Variants in RBM6 observed in about 807,000 individuals in gnomAD.
RBM6 encodes RNA-binding protein 6.
Under a neutral mutation model 140.4 loss-of-function variants are expected in RBM6, and 23 were observed. That is an observed-to-expected ratio of 0.16 (90% CI 0.12 to 0.23). RBM6 has a LOEUF of 0.23. RBM6 is among the 10% of genes least tolerant of loss of function. The pLI is 1.00. For missense variants in RBM6, 1,139 were observed against 1,386.7 expected (o/e 0.82, Z 2.84); for synonymous variants, 439 against 475.6 (o/e 0.92, Z 1.00).
At chr3:50,071,894 G>A (rs191814483) in intron 19 of RBM6, among the ~76,000 whole-genome samples, 5 of 151,000 alleles carry the variant, frequency 3.3e-5, no homozygotes, top group African/African-American at 1.2e-4. Context: ...GACCAGCCTG[G>A]CCAAGATGGT....
At chr3:49,940,820 G>A (rs996935838) in intron 1 of RBM6, 2 of 151,788 alleles carry the variant, frequency 1.3e-5, no homozygotes, top group Non-Finnish European at 2.9e-5. Context: ...TTCCATTAGC[G>A]GTGTAAATAG....
chr3:49,949,447 C>T (rs1444292419), intron 1 of RBM6, among the ~76,000 whole-genome samples: 2 of 152,024 alleles, frequency 1.3e-5, no homozygotes, highest in Non-Finnish European at 2.9e-5. Flanking sequence ...GGCTGGAGTG[C>T]AGTGGTGTGA....
chr3:50,052,309 A>G (rs1249465507), intron 7 of RBM6, among the ~76,000 whole-genome samples: 1 of 152,098 alleles, frequency 6.6e-6, no homozygotes, highest in Non-Finnish European at 1.5e-5. Context: ...AAATGATCCA[A>G]CTTCCTCGGC....
chr3:49,997,860 A>G (rs2086156656), intron 5 of RBM6, among the ~76,000 whole-genome samples: 1 of 152,252 alleles, frequency 6.6e-6, no homozygotes, highest in Admixed American at 6.5e-5. Context: ...TCCATTGTTA[A>G]TAGGATATGC....
chr3:50,058,387 T>G lies in RBM6; in HGVS notation c.1970-15T>G. The G allele has an allele frequency of 6.2e-7, 1 of 1,600,482 alleles. No individual in the cohort carries two copies. Among genetic ancestry groups the G allele is most frequent in the Non-Finnish European group, 8.6e-7 (1 of 1,167,678 alleles). ...CTCCCTTGTGTTGCCCTTCTCCCAT[T>G]TATGGTTGATTCAGCTATCATGCTA... On this transcript the variant is annotated splice_polypyrimidine_tract_variant and intron_variant, in intron 9 of 20. Coordinates refer to ENST00000266022, the MANE Select transcript of RBM6 (RefSeq NM_005777.3).
chr3:49,961,909 A>G lies in RBM6; in HGVS notation c.-66-667A>G, dbSNP rs958855480. 2.0e-5 allele frequency among the ~76,000 whole-genome samples: 3 copies of G among 151,864 alleles called. No individual in the cohort carries two copies. In the East Asian group the frequency reaches 5.8e-4, roughly 29 times the overall value. On this transcript the variant is annotated intron_variant, in intron 1 of 20. Coordinates refer to ENST00000266022, the MANE Select transcript of RBM6 (RefSeq NM_005777.3). ...GGTGGCTCATGCCTGTAATCCTAGC[A>G]CTTTGGGAGGCCGAGGCGGGCGGAC...
rs1409345760 is a variant in RBM6 at position 49,941,913 on chromosome 3, C to CA, written c.-67+1692dup. Among the ~76,000 whole-genome samples, 29 of 146,614 alleles carry CA rather than the reference C, an allele frequency of 2.0e-4. 1 individual carries two copies. ...CAAATTGTGAGCCTGGGCAACATCG[C>CA]AAAACCCTGTCTCTACAAAAAATAC... On this transcript the variant is annotated intron_variant, in intron 1 of 20. Coordinates refer to ENST00000266022, the MANE Select transcript of RBM6 (RefSeq NM_005777.3).
chr3:50,048,790 T>G (rs1416287512), intron 7 of RBM6, among the ~76,000 whole-genome samples: 1 of 152,128 alleles, frequency 6.6e-6, no homozygotes, highest in Non-Finnish European at 1.5e-5. Flanking sequence ...GAGTGGGATA[T>G]TTAAAATTTT....
chr3:49,974,712 T>C (rs1367505768), intron 4 of RBM6, among the ~76,000 whole-genome samples: 1 of 111,524 alleles, frequency 9.0e-6, no homozygotes, highest in African/African-American at 3.7e-5. Flanking sequence ...TTAAAGATAG[T>C]GTCTCGCTCT....
chr3:49,983,619 G>A (rs953926236), intron 5 of RBM6, among the ~76,000 whole-genome samples: 19 of 152,282 alleles, frequency 1.2e-4, no homozygotes, highest in African/African-American at 3.6e-4. Context: ...GTTTCTTAGG[G>A]AAAAGATGAC....
intron 14 of RBM6, 92 bp from the exon 15 acceptor site, chr3:50,061,870 C>T (rs2108923072): frequency 6.7e-7 from 1 of 1,483,770 alleles, no homozygotes; most frequent in South Asian, 1.4e-5. Context: ...AAAGTTGTTT[C>T]TTCCCCTAAA....
intron 6 of RBM6, among the ~76,000 whole-genome samples, chr3:50,019,336 A>G (rs1183763244): frequency 6.6e-6 from 1 of 151,688 alleles, no homozygotes; most frequent in East Asian, 1.9e-4. Flanking sequence ...TCCTTTGGGT[A>G]TTTCTATTGG....
intron 5 of RBM6, among the ~76,000 whole-genome samples, chr3:49,992,081 AGC>A (rs2085853985): frequency 6.6e-6 from 1 of 151,992 alleles, no homozygotes. Flanking sequence ...CCTCCCAAGT[AGC>A]TGAGATTACA....
At chr3:49,996,430 C>G (rs1192420537) in intron 5 of RBM6, among the ~76,000 whole-genome samples, 1 of 152,092 alleles carries the variant, frequency 6.6e-6, no homozygotes, top group African/African-American at 2.4e-5. Context: ...TAATTCCAGC[C>G]CTTTTTCCCT....
intron 6 of RBM6, among the ~76,000 whole-genome samples, chr3:50,002,830 A>C (rs1219005023): frequency 2.6e-5 from 4 of 152,200 alleles, no homozygotes; most frequent in Admixed American, 6.5e-5. Flanking sequence ...TAAGAATGTG[A>C]GGGAAGAAGT....
chr3:49,972,137 A>G lies in RBM6; in HGVS notation c.1402A>G (p.Thr468Ala). 1.9e-6 allele frequency: 3 copies of G among 1,610,686 alleles called. No homozygotes were observed. The South Asian group carries it at 3.3e-5, about 18-fold the overall frequency. Reference protein sequence around the residue: ...IRLSGVPEDATKEEILNAFRT... With the variant: ...IRLSGVPEDAAKEEILNAFRT... The stretch of plus-strand genomic sequence containing the variant: ...ATTAAGTGGGGTACCTGAAGATGCC[A>G]CAAAAGAAGAGGTAAGGCATGTCTT... The change falls in exon 4 of 21, where the codon ACA becomes GCA. Residue 468 changes from threonine to alanine, a missense_variant. This residue lies in a region of RBM6 where 566 missense variants were observed against 612.7 expected (regional missense o/e 0.92). Transcript: ENST00000266022.
chr3:50,064,830 G>T (rs1418252978), intron 15 of RBM6, among the ~76,000 whole-genome samples: 1 of 152,046 alleles, frequency 6.6e-6, no homozygotes, highest in African/African-American at 2.4e-5. Context: ...CCGCCACCAC[G>T]CCCAGCTAAT....
chr3:50,073,944 G>C (rs1447450878), intron 19 of RBM6, among the ~76,000 whole-genome samples: 2 of 151,830 alleles, frequency 1.3e-5, no homozygotes, highest in Non-Finnish European at 2.9e-5. Flanking sequence ...CCGCCTCCCA[G>C]GTTCAAGCGA....
intron 5 of RBM6, among the ~76,000 whole-genome samples, chr3:49,998,261 G>C (rs1232121404): frequency 6.6e-6 from 1 of 152,116 alleles, no homozygotes; most frequent in Non-Finnish European, 1.5e-5. Flanking sequence ...TAGTTTTGTT[G>C]ATCTTTGATA....
Sources: allele counts gnomAD v4.1 joint callset (sites outside exome capture counted in the v4.1 genomes callset), GRCh38; gene constraint gnomAD v4.1.1; regional missense constraint gnomAD v4.1.1; transcripts MANE v1.5; gene names NCBI Gene and HGNC (gene_info 2026-07-23, HGNC 2026-07-21).